The following GSK3B variants were observed in gnomAD, a reference collection of about 807,000 sequenced individuals.
The protein encoded by GSK3B is glycogen synthase kinase-3 beta.
GSK3B carries 15 observed loss-of-function variants against 56.4 expected under a neutral mutation model. The ratio of observed to expected loss-of-function variants is 0.27; its 90% CI spans 0.18 to 0.41. GSK3B has a LOEUF of 0.41. GSK3B is among the 10% of genes least tolerant of loss of function. GSK3B has a pLI of 1.00. For missense variants in GSK3B, 300 were observed against 513.4 expected (o/e 0.58, Z 4.02); for synonymous variants, 181 against 188.9 (o/e 0.96, Z 0.34).
At chr3:120,036,781 A>C (rs1287280191) in intron 1 of GSK3B, among the ~76,000 whole-genome samples, 1 of 130,792 alleles carries the variant, frequency 7.6e-6, no homozygotes, top group East Asian at 2.3e-4. Context: ...CGACAGAGTA[A>C]GACTCCGACT....
At chr3:119,885,956 A>G (rs2056431439) in intron 7 of GSK3B, among the ~76,000 whole-genome samples, 1 of 152,180 alleles carries the variant, frequency 6.6e-6, no homozygotes, top group African/African-American at 2.4e-5. Context: ...CTACAAGAAA[A>G]CCTAGGAAAC....
intron 9 of GSK3B, among the ~76,000 whole-genome samples, chr3:119,848,832 A>G (rs2055890832): frequency 6.6e-6 from 1 of 152,208 alleles, no homozygotes; most frequent in Admixed American, 6.5e-5. Flanking sequence ...TGAGAAAACT[A>G]TTCATTTTCC....
At chr3:119,913,207 G>A (rs1317423820) in intron 5 of GSK3B, among the ~76,000 whole-genome samples, 1 of 151,982 alleles carries the variant, frequency 6.6e-6, no homozygotes, top group Non-Finnish European at 1.5e-5. Flanking sequence ...CTCACCCAAT[G>A]TATTTCTTTA....
intron 1 of GSK3B, among the ~76,000 whole-genome samples, chr3:120,054,324 C>T (rs897146800): frequency 4.6e-5 from 7 of 152,252 alleles, no homozygotes; most frequent in East Asian, 1.9e-4. Flanking sequence ...ACTTTTCAAA[C>T]GGTAGTCAAT....
intron 6 of GSK3B, among the ~76,000 whole-genome samples, chr3:119,912,221 C>G (rs2107453986): frequency 6.6e-6 from 1 of 152,186 alleles, no homozygotes; most frequent in South Asian, 2.1e-4. Context: ...GAATGGCCAG[C>G]TGGTGGAATA....
intron 6 of GSK3B, among the ~76,000 whole-genome samples, chr3:119,912,057 G>C (rs72967181): frequency 0.012 from 1,837 of 152,152 alleles, 32 homozygotes; most frequent in African/African-American, 0.042. Flanking sequence ...TGCCTTCCTT[G>C]CTCAGCTTAA....
chr3:120,084,192 C>G (rs1205068481), intron 1 of GSK3B, among the ~76,000 whole-genome samples: 3 of 151,900 alleles, frequency 2.0e-5, no homozygotes, highest in Non-Finnish European at 4.4e-5. Flanking sequence ...GAATACTGTT[C>G]CATGTCTACA....
At chr3:119,871,669 A>C (rs984966837) in intron 8 of GSK3B, among the ~76,000 whole-genome samples, 3 of 152,104 alleles carry the variant, frequency 2.0e-5, no homozygotes, top group African/African-American at 4.8e-5. Flanking sequence ...GAACATTCTA[A>C]GACAGTGGAA....
chr3:119,887,110 G>A (rs2056445391), intron 7 of GSK3B, among the ~76,000 whole-genome samples: 1 of 152,100 alleles, frequency 6.6e-6, no homozygotes, highest in Non-Finnish European at 1.5e-5. Context: ...AGATAAAATT[G>A]AGTATAAAAA....
chr3:119,924,960 G>T (rs1236389958), intron 3 of GSK3B, among the ~76,000 whole-genome samples: 2 of 152,154 alleles, frequency 1.3e-5, no homozygotes, highest in African/African-American at 4.8e-5. Context: ...CCATGTCTAC[G>T]ACCAAAGAGC....
chr3:120,088,140 C>A (rs2058481010), intron 1 of GSK3B, among the ~76,000 whole-genome samples: 1 of 152,206 alleles, frequency 6.6e-6, no homozygotes, highest in Non-Finnish European at 1.5e-5. Flanking sequence ...GATCCACCCG[C>A]CTCGGCCTCC....
chr3:119,851,038 A>T (rs1476679383), intron 9 of GSK3B, among the ~76,000 whole-genome samples: 1 of 152,220 alleles, frequency 6.6e-6, no homozygotes, highest in Non-Finnish European at 1.5e-5. Flanking sequence ...TTCTTCAGCC[A>T]ACTGAAGAAG....
At chr3:120,093,279 T>G (rs2058529635) in intron 1 of GSK3B, 68 bp downstream of exon 1, 2 of 1,006,568 alleles carry the variant, frequency 2.0e-6, no homozygotes, top group African/African-American at 1.6e-5. Context: ...TTTCAGATCC[T>G]GGTATTTCGA....
chr3:120,035,290 G>A (rs571665082), intron 1 of GSK3B, among the ~76,000 whole-genome samples: 138 of 152,172 alleles, frequency 9.1e-4, no homozygotes, highest in Non-Finnish European at 1.7e-3. Context: ...GCAAACACTA[G>A]AAGCAGCAAG....
chr3:119,853,923 C>T (rs1372809681), intron 9 of GSK3B, among the ~76,000 whole-genome samples: 2 of 152,122 alleles, frequency 1.3e-5, no homozygotes, highest in Non-Finnish European at 2.9e-5. Context: ...CTTTCTCCTG[C>T]CTGATTACCC....
intron 3 of GSK3B, among the ~76,000 whole-genome samples, chr3:119,942,847 A>T (rs892044385): frequency 6.6e-6 from 1 of 152,086 alleles, no homozygotes; most frequent in Non-Finnish European, 1.5e-5. Flanking sequence ...AAAACACTCA[A>T]ATATCTCATT....
intron 7 of GSK3B, among the ~76,000 whole-genome samples, chr3:119,903,042 A>AACAC (rs1167406141): frequency 4.6e-5 from 7 of 152,100 alleles, no homozygotes; most frequent in Non-Finnish European, 8.8e-5. Flanking sequence ...GGCTACATTA[A>AACAC]ACACACACAC....
intron 1 of GSK3B, among the ~76,000 whole-genome samples, chr3:120,005,565 AC>A (rs1424483385): frequency 6.6e-6 from 1 of 152,252 alleles, no homozygotes; most frequent in Non-Finnish European, 1.5e-5. Context: ...CATCAGACTA[AC>A]AGCAGATCTC....
At chr3:119,985,440 A>G (rs1397898573) in intron 2 of GSK3B, among the ~76,000 whole-genome samples, 1 of 152,202 alleles carries the variant, frequency 6.6e-6, no homozygotes, top group Non-Finnish European at 1.5e-5. Context: ...GGAAAACTCC[A>G]CCGTCTCAGC....
Sources: allele counts gnomAD v4.1 joint callset (sites outside exome capture counted in the v4.1 genomes callset), GRCh38; gene constraint gnomAD v4.1.1; transcripts MANE v1.5; gene names NCBI Gene and HGNC (gene_info 2026-07-23, HGNC 2026-07-21).